LNPEP: variants seen among roughly 807,000 people sequenced by gnomAD.
The protein encoded by LNPEP is leucyl-cystinyl aminopeptidase.
LNPEP carries 64 observed loss-of-function variants against 120.6 expected under a neutral mutation model. The observed-to-expected ratio is 0.53, with a 90% confidence interval of 0.43 to 0.65. LNPEP has a LOEUF of 0.65. Ranked by LOEUF, LNPEP falls within the 30% of genes least tolerant of loss-of-function variation. The pLI is 0.00. For synonymous variants in LNPEP, 435 were observed against 425.4 expected, an observed-to-expected ratio of 1.02 and a Z score of -0.28; for missense variants, 1,057 against 1,200.0, an observed-to-expected ratio of 0.88 and a Z score of 1.76.
chr5:96,966,093 A>C (rs1434449711), intron 1 of LNPEP, among the ~76,000 whole-genome samples: 1 of 152,140 alleles, frequency 6.6e-6, no homozygotes, highest in Admixed American at 6.6e-5. Flanking sequence ...GAAGTGGCTC[A>C]TCTTTTCTGC....
chr5:96,977,202 A>T (rs1176018481), intron 1 of LNPEP, among the ~76,000 whole-genome samples: 1 of 152,138 alleles, frequency 6.6e-6, no homozygotes. Context: ...AAATGAAAAG[A>T]AAGTTTATTT....
intron 1 of LNPEP, among the ~76,000 whole-genome samples, chr5:96,940,822 A>G (rs140714927): frequency 1.3e-3 from 197 of 152,300 alleles, no homozygotes; most frequent in South Asian, 4.1e-3. Context: ...TGTTTTGTCA[A>G]TTAGTCACCT....
At chr5:96,961,227 G>T (rs1789597931) in intron 1 of LNPEP, among the ~76,000 whole-genome samples, 1 of 152,136 alleles carries the variant, frequency 6.6e-6, no homozygotes, top group Non-Finnish European at 1.5e-5. Flanking sequence ...ATGACTTTCT[G>T]AGGTTGCTTA....
intron 13 of LNPEP, among the ~76,000 whole-genome samples, chr5:97,017,462 G>A (rs1227561742): frequency 6.6e-6 from 1 of 151,838 alleles, no homozygotes; most frequent in East Asian, 1.9e-4. Flanking sequence ...ATTAATATGA[G>A]TTTTAAATTT....
At chr5:96,996,241 GA>G (rs1159053206) in intron 6 of LNPEP, 148 bp from the exon 7 acceptor site, 1 of 480,270 alleles carries the variant, frequency 2.1e-6, no homozygotes, top group Admixed American at 4.0e-5. Flanking sequence ...AAATTAATTT[GA>G]ATATAGTTTG....
intron 1 of LNPEP, among the ~76,000 whole-genome samples, chr5:96,955,230 A>G (rs1789434314): frequency 6.6e-6 from 1 of 152,208 alleles, no homozygotes; most frequent in South Asian, 2.1e-4. Context: ...TGAATTATAT[A>G]GATTTTATAT....
chr5:96,963,445 G>A (rs1428308287), intron 1 of LNPEP, among the ~76,000 whole-genome samples: 2 of 152,124 alleles, frequency 1.3e-5, no homozygotes, highest in Non-Finnish European at 2.9e-5. Context: ...GGAGCCGGAT[G>A]GTCTAAGATA....
At position 96,954,773 on chromosome 5, in the gene LNPEP, T is replaced by TATATATA. The variant is rs1491213774; in HGVS notation, c.19+18599_19+18600insATATATA. Among the ~76,000 whole-genome samples, 8 of 10,412 alleles carry TATATATA rather than the reference T, an allele frequency of 7.7e-4. 2 individuals are homozygous for TATATATA. The highest frequency in any genetic ancestry group is 7.5e-3 in the South Asian group (2 of 266). The allele number at this position is 10,412 out of a possible 152,430, so 6.8% of individuals were successfully genotyped here. A position where few individuals can be genotyped will look rare whatever the true frequency, so the allele number is the denominator to read the frequency against. Reference sequence around the variant, plus strand: ...ACATATATATATATATATATATATATTTTTTTTTTTTTTTTTTTTTTTTTT... The same window carrying TATATATA: ...ACATATATATATATATATATATATATATATATATTTTTTTTTTTTTTTTTTTTTTTTT... On this transcript the variant is annotated intron_variant, in intron 1 of 17. Coordinates refer to ENST00000231368, the MANE Select transcript of LNPEP (RefSeq NM_005575.3).
chr5:96,940,284 T>C (rs1457777540), intron 1 of LNPEP, among the ~76,000 whole-genome samples: 1 of 152,202 alleles, frequency 6.6e-6, no homozygotes, highest in Non-Finnish European at 1.5e-5. Flanking sequence ...CTGTAGGTTA[T>C]CCTTGAGAAC....
At chr5:97,005,170 T>G (rs1407251043) in intron 9 of LNPEP, among the ~76,000 whole-genome samples, 1 of 152,194 alleles carries the variant, frequency 6.6e-6, no homozygotes, top group African/African-American at 2.4e-5. Context: ...CCTTTTGTGC[T>G]TTAAATAAAT....
At chr5:97,013,616 T>C (rs1182615995) in intron 11 of LNPEP, 32 bp from the exon 12 acceptor site, 3 of 1,302,602 alleles carry the variant, frequency 2.3e-6, no homozygotes, top group Non-Finnish European at 3.1e-6. Flanking sequence ...TTGTCTTCTC[T>C]CTCAATCTCT....
intron 1 of LNPEP, among the ~76,000 whole-genome samples, chr5:96,977,306 G>C (rs1225697720): frequency 6.6e-6 from 1 of 151,986 alleles, no homozygotes; most frequent in Non-Finnish European, 1.5e-5. Flanking sequence ...AATACCAGGT[G>C]GATGGGCATG....
chr5:96,997,979 A>T, intron 7 of LNPEP, 35 bp from the exon 8 acceptor site: 1 of 1,426,346 alleles, frequency 7.0e-7, no homozygotes, highest in Non-Finnish European at 9.6e-7. Flanking sequence ...ATTTGATACT[A>T]CTTGTGATAT....
At chr5:96,958,823 C>CTTTTTTTTTTT (rs936091346) in intron 1 of LNPEP, 2 of 85,256 alleles carry the variant, frequency 2.3e-5, no homozygotes, top group Non-Finnish European at 2.1e-5. Flanking sequence ...GCCTCTTTTG[C>CTTTTTTTTTTT]TTTTTTTTTT....
At position 97,009,184 on chromosome 5, in the gene LNPEP, C is replaced by G. The variant is rs925386854; in HGVS notation, c.2035+2669C>G. 2.6e-4 allele frequency among the ~76,000 whole-genome samples: 39 copies of G among 152,316 alleles called. 1 individual carries two copies. Among genetic ancestry groups the G allele is most frequent in the Admixed American group, 1.2e-3 (18 of 15,306 alleles). On this transcript the variant is annotated intron_variant, in intron 11 of 17. Transcript: ENST00000231368. ...AGGAACACCCTTGCCTCCTCACTCC[C>G]TCGGCCTACTCCTGTTTATTCTTCA... is the stretch of plus-strand genomic sequence containing the variant.
Position 97,036,124 on chromosome 5 carries a change from A to G in LNPEP, c.*7591A>G, listed in dbSNP as rs922474467. ...ACTTCTGATTCATCTATAGAAGTCT[A>G]TTATGATTCCATCAATTGCATAGCT... On this transcript the variant is annotated 3_prime_UTR_variant, in exon 18 of 18. Transcript: ENST00000231368. The G allele has an allele frequency of 4.6e-5, 7 of 152,174 alleles. No homozygotes were observed. The highest frequency in any genetic ancestry group is 1.7e-4 in the African/African-American group (7 of 41,456). 9.4% of individuals were successfully genotyped at this position (152,174 alleles called of 1,614,324 possible). A position where few individuals can be genotyped will look rare whatever the true frequency, so the allele number is the denominator to read the frequency against.
chr5:97,019,958 G>T (rs572100148), intron 13 of LNPEP, among the ~76,000 whole-genome samples: 1 of 152,088 alleles, frequency 6.6e-6, no homozygotes, highest in Non-Finnish European at 1.5e-5. Context: ...TCCTTGCATC[G>T]TCAGCGTAGC....
In LNPEP at chr5:96,954,769, TA is replaced by T. The variant is rs1561430260; in HGVS notation, c.19+18596del. 6.5e-4 allele frequency among the ~76,000 whole-genome samples: 29 copies of T among 44,572 alleles called. 3 individuals carry two copies. Among genetic ancestry groups the T allele is most frequent in the East Asian group, 1.8e-3 (5 of 2,770 alleles). 29.2% of individuals were successfully genotyped at this position (44,572 alleles called of 152,430 possible). ...ATACACATATATATATATATATATA[TA>T]TATTTTTTTTTTTTTTTTTTTTTTT... On this transcript the variant is annotated intron_variant, in intron 1 of 17. Coordinates refer to ENST00000231368, the MANE Select transcript of LNPEP (RefSeq NM_005575.3).
intron 1 of LNPEP, among the ~76,000 whole-genome samples, chr5:96,943,823 T>C (rs1261302071): frequency 6.6e-6 from 1 of 152,204 alleles, no homozygotes; most frequent in Non-Finnish European, 1.5e-5. Context: ...CTAATACATA[T>C]TGCTTAATGA....
Sources: allele counts gnomAD v4.1 joint callset (sites outside exome capture counted in the v4.1 genomes callset), GRCh38; gene constraint gnomAD v4.1.1; transcripts MANE v1.5; gene names NCBI Gene and HGNC (gene_info 2026-07-23, HGNC 2026-07-21).